CYP2S1: variants seen among roughly 807,000 people sequenced by gnomAD.
CYP2S1 encodes cytochrome P450 family 2 subfamily S member 1.
In CYP2S1, 32 loss-of-function variants were observed where a neutral mutation model predicts 43.5. The observed-to-expected ratio is 0.74, with a 90% CI of 0.56 to 0.99. CYP2S1 has a LOEUF of 0.99. Among genes scored for constraint, CYP2S1 ranks in the 50% least tolerant of loss-of-function variants. The pLI is 0.00. For synonymous variants in CYP2S1, 283 were observed against 302.9 expected (o/e 0.93, Z 0.68); for missense variants, 575 against 673.9 (o/e 0.85, Z 1.62).
chr19:41,204,429 C>T (rs2033535189), intron 7 of CYP2S1, among the ~76,000 whole-genome samples: 1 of 152,060 alleles, frequency 6.6e-6, no homozygotes, highest in African/African-American at 2.4e-5. Flanking sequence ...CAGTGCCCTT[C>T]ACTGGAGAGC....
rs756037606 is a variant in CYP2S1, at chr19:41,201,189, A to AAAG, written c.835-41_835-39dup. ...TGGCTGTTCTGGACATTTACTTCCCAAAGGCTGTGTTCTCTCAGCCCCTCT... is the reference window on the plus strand; with the variant it reads ...TGGCTGTTCTGGACATTTACTTCCCAAAGAAGGCTGTGTTCTCTCAGCCCCTCT... On this transcript the variant is annotated intron_variant, in intron 5 of 8. Coordinates refer to ENST00000310054, the MANE Select transcript of CYP2S1 (RefSeq NM_030622.8). 3 of 1,603,926 alleles carry AAAG rather than the reference A, an allele frequency of 1.9e-6. No homozygotes were observed. The Admixed American group carries it at 5.1e-5, about 27-fold the overall frequency.
chr19:41,194,695 C>G lies in CYP2S1; in HGVS notation c.329C>G (p.Thr110Ser), dbSNP rs770814612. 6.2e-7 allele frequency: 1 copy of G among 1,611,422 alleles called. No individual in the cohort carries two copies. The highest frequency in any genetic ancestry group is 8.5e-7 in the Non-Finnish European group (1 of 1,178,996). The part of the protein sequence containing the change: ...GRGTVAMLEG[T>S]FDGHGVFFSN... ...GGAACCGTAGCGATGCTGGAAGGGA[C>G]TTTTGATGGCCATGGTAAGTCAAGG... Residue 110 changes from threonine (T) to serine (S), a missense_variant, in exon 2 of 9, where the codon ACT becomes AGT. Thr to Ser is a moderately conservative substitution (Grantham distance 58, BLOSUM62 1). This residue lies in a region of CYP2S1 where 353 missense variants were observed against 367.6 expected (regional missense o/e 0.96). Coordinates refer to ENST00000310054, the MANE Select transcript of CYP2S1 (RefSeq NM_030622.8).
chr19:41,201,172 C>G (rs2033483512), intron 5 of CYP2S1, 59 bp from the exon 6 acceptor site: 1 of 1,584,218 alleles, frequency 6.3e-7, no homozygotes. Flanking sequence ...CTTGGCTGTT[C>G]TGGACATTTA....
chr19:41,197,368 G>A (rs2033425421), intron 2 of CYP2S1, among the ~76,000 whole-genome samples: 1 of 152,088 alleles, frequency 6.6e-6, no homozygotes, highest in Non-Finnish European at 1.5e-5. Flanking sequence ...GGACTCAGAT[G>A]GAGCCTGAAG....
At chr19:41,203,360 C>T in intron 6 of CYP2S1, 90 bp from the exon 7 acceptor site, 1 of 1,405,554 alleles carries the variant, frequency 7.1e-7, no homozygotes, top group Non-Finnish European at 9.3e-7. Flanking sequence ...AGCCTCACCC[C>T]AAACTACAGC....
At chr19:41,197,952 G>T in intron 3 of CYP2S1, 24 bp downstream of exon 3, 1 of 1,596,620 alleles carries the variant, frequency 6.3e-7, no homozygotes, top group East Asian at 2.2e-5. Flanking sequence ...GGTCACCCCA[G>T]GGTCTCCAGC....
chr19:41,198,315 A>G lies in CYP2S1; in HGVS notation c.494-147A>G. On this transcript the variant is annotated intron_variant, in intron 3 of 8. Coordinates refer to ENST00000310054, the MANE Select transcript of CYP2S1 (RefSeq NM_030622.8). The surrounding 1 kb of genome is among the most constrained non-coding windows in gnomAD (Gnocchi z 4.9). The stretch of plus-strand genomic sequence containing the variant: ...TGTTTCTCTGTCCCTATCTGTCTGT[A>G]TCCTTCTTTGCCTGTTTAGCTCTCT... The G allele has an allele frequency of 9.9e-7, 1 of 1,007,896 alleles. No individual in the cohort carries two copies. Among genetic ancestry groups the G allele is most frequent in the African/African-American group, 1.6e-5 (1 of 61,102 alleles). 62.4% of individuals were successfully genotyped at this position (1,007,896 alleles called of 1,614,324 possible).
At chr19:41,203,658 C>A (rs1313844323) in intron 7 of CYP2S1, 21 bp downstream of exon 7, 2 of 1,505,224 alleles carry the variant, frequency 1.3e-6, no homozygotes, top group Admixed American at 4.3e-5. Context: ...GTATGGCTGC[C>A]ACCCATGGTT....
At chr19:41,199,243 C>T (rs2033457673) in intron 5 of CYP2S1, among the ~76,000 whole-genome samples, 1 of 152,154 alleles carries the variant, frequency 6.6e-6, no homozygotes, top group African/African-American at 2.4e-5. Flanking sequence ...CCATCCCCTG[C>T]AGCCTCCCCA....
At chr19:41,197,639 G>A (rs2033429074) in intron 2 of CYP2S1, 140 bp from the exon 3 acceptor site, 2 of 1,281,480 alleles carry the variant, frequency 1.6e-6, no homozygotes, top group African/African-American at 3.0e-5. Flanking sequence ...GGCAGAGGTT[G>A]CAGTGAGACG....
rs113139088 is a variant in CYP2S1 at position 41,206,628 on chromosome 19, C to T, written c.*140C>T. ...CCTGCAGTTGTTTTCCGGAGTCTGT[C>T]CCACGGCCCACACGCTCACTTGACT... On this transcript the variant is annotated 3_prime_UTR_variant, in exon 9 of 9. Transcript: ENST00000310054. The T allele has an allele frequency of 4.0e-4, 419 of 1,044,490 alleles. 4 individuals are homozygous for T. In the African/African-American group the frequency reaches 5.3e-3, roughly 13 times the overall value. 64.7% of individuals were successfully genotyped at this position (1,044,490 alleles called of 1,614,324 possible).
chr19:41,195,655 G>A lies in CYP2S1; in HGVS notation c.343+946G>A, dbSNP rs183368692. Reference sequence around the variant, plus strand: ...AAGTCTTCCTGGAAGAGAGGCTGTCGGAGCTGAGACTCATAAGATGAGTGG... The same window carrying A: ...AAGTCTTCCTGGAAGAGAGGCTGTCAGAGCTGAGACTCATAAGATGAGTGG... On this transcript the variant is annotated intron_variant, in intron 2 of 8. Coordinates refer to ENST00000310054, the MANE Select transcript of CYP2S1 (RefSeq NM_030622.8). Among the ~76,000 whole-genome samples, 60 of 152,186 alleles carry A rather than the reference G, an allele frequency of 3.9e-4. 1 individual carries two copies. Among genetic ancestry groups the A allele is most frequent in the African/African-American group, 1.4e-3 (59 of 41,538 alleles).
Position 41,203,535 on chromosome 19 carries a change from C to T in CYP2S1, c.1062C>T (p.Asp354=), listed in dbSNP as rs748601571. The T allele has an allele frequency of 9.4e-6, 15 of 1,599,002 alleles. No individual in the cohort carries two copies. The highest frequency in any genetic ancestry group is 9.1e-5 in the East Asian group (4 of 44,060). ...LGDRTRLPYT[D]AVLHEAQRLL... is the part of the protein sequence containing the mutation. ...ACCGTACCCGCCTCCCTTACACCGA[C>T]GCGGTTCTGCATGAGGCGCAGCGGC... The change falls in exon 7 of 9, where the codon GAC becomes GAT. Residue 354 remains aspartate (D), a synonymous_variant. Transcript: ENST00000310054.
chr19:41,206,113 C>T lies in CYP2S1; in HGVS notation c.1306+14C>T, dbSNP rs753865221. On this transcript the variant is annotated intron_variant, in intron 8 of 8. Coordinates refer to ENST00000310054, the MANE Select transcript of CYP2S1 (RefSeq NM_030622.8). ...CCTTCTCCTTAGGTATCTGCTGCAG[C>T]CCTGGGTATCACAAGCAGGTGCTGG... 6.2e-7 allele frequency: 1 copy of T among 1,613,088 alleles called. No individual in the cohort carries two copies. The highest frequency in any genetic ancestry group is 8.5e-7 in the Non-Finnish European group (1 of 1,179,366).
chr19:41,205,263 A>G (rs1490335440), intron 7 of CYP2S1, among the ~76,000 whole-genome samples: 1 of 152,208 alleles, frequency 6.6e-6, no homozygotes, highest in Non-Finnish European at 1.5e-5. Flanking sequence ...AAGGTCCCCC[A>G]GCCTGCAAAT....
rs145004839 is a variant in CYP2S1, at chr19:41,200,506, G to A, written c.835-725G>A. ...TCCTGCCTCAGTCTCCCAAGCAGCTGGGACTACAGGTGCCCGTCACCACGC... is the reference window on the plus strand; with the variant it reads ...TCCTGCCTCAGTCTCCCAAGCAGCTAGGACTACAGGTGCCCGTCACCACGC... On this transcript the variant is annotated intron_variant, in intron 5 of 8. Transcript: ENST00000310054. 1.6e-4 allele frequency among the ~76,000 whole-genome samples: 25 copies of A among 152,136 alleles called. No individual in the cohort carries two copies. The East Asian group carries it at 4.5e-3, about 27-fold the overall frequency.
chr19:41,203,212 C>CA (rs59854272), intron 6 of CYP2S1, among the ~76,000 whole-genome samples: 28,857 of 145,296 alleles, frequency 0.2, 3,015 homozygotes, highest in East Asian at 0.32. Context: ...AACTCCGTTG[C>CA]AAAAAAAAAT....
In CYP2S1 at chr19:41,197,935, A is replaced by G. The variant is rs778233440; in HGVS notation, c.493+7A>G. 2.5e-6 allele frequency: 4 copies of G among 1,608,048 alleles called. No individual in the cohort carries two copies. In the Admixed American group the frequency reaches 5.2e-5, roughly 21 times the overall value. On this transcript the variant is annotated splice_region_variant and intron_variant, in intron 3 of 8. Coordinates refer to ENST00000310054, the MANE Select transcript of CYP2S1 (RefSeq NM_030622.8). ...ACATTCCAGGGGACAGAAGGTCAGCATGGCGGGGTCACCCCAGGGTCTCCA... is the reference window on the plus strand; with the variant it reads ...ACATTCCAGGGGACAGAAGGTCAGCGTGGCGGGGTCACCCCAGGGTCTCCA...
At chr19:41,200,701 C>A (rs1405724344) in intron 5 of CYP2S1, among the ~76,000 whole-genome samples, 1 of 152,120 alleles carries the variant, frequency 6.6e-6, no homozygotes, top group Non-Finnish European at 1.5e-5. Context: ...TATTAGTTCT[C>A]TCTGGTTGAA....
Sources: gnomAD v4.1 joint callset for allele counts (sites outside exome capture counted in the v4.1 genomes callset) on GRCh38, gnomAD v4.1.1 for gene constraint, gnomAD v4.1.1 regional missense constraint, Gnocchi (gnomAD v3.1) non-coding constraint, MANE v1.5 for transcripts, NCBI Gene and HGNC (gene_info 2026-07-23, HGNC 2026-07-21) for gene names.